The following TPRG1 variants were observed in gnomAD, a reference collection of about 807,000 sequenced individuals.
TPRG1 encodes the protein tumor protein p63 regulated 1, also known as tumor protein p63-regulated gene 1 protein.
Under a neutral mutation model 29.3 loss-of-function variants are expected in TPRG1, and 29 were observed. The ratio of observed to expected loss-of-function variants is 0.99; its 90% CI spans 0.74 to 1.35. The LOEUF is 1.35. TPRG1 is among the 40% of genes most tolerant of loss of function. The pLI is 0.00. For missense variants in TPRG1, 327 were observed against 335.0 expected (o/e 0.98, Z 0.19); for synonymous variants, 130 against 116.8 (o/e 1.11, Z -0.73).
chr3:189,212,904 C>T (rs1197546656), intron 2 of TPRG1, among the ~76,000 whole-genome samples: 1 of 152,206 alleles, frequency 6.6e-6, no homozygotes, highest in African/African-American at 2.4e-5. Flanking sequence ...GAAACAAACA[C>T]ATATGTTTTC....
At chr3:189,210,654 AC>A (rs1478243297) in intron 2 of TPRG1, among the ~76,000 whole-genome samples, 13 of 152,202 alleles carry the variant, frequency 8.5e-5, no homozygotes, top group Non-Finnish European at 1.9e-4. Flanking sequence ...CTGTCCTGAG[AC>A]CACATTTTGA....
chr3:189,200,342 T>C (rs891136294), intron 1 of TPRG1, among the ~76,000 whole-genome samples: 5 of 152,126 alleles, frequency 3.3e-5, no homozygotes, highest in African/African-American at 1.2e-4. Flanking sequence ...GGTGTTAGAG[T>C]ATTGTTGTTT....
intron 3 of TPRG1, among the ~76,000 whole-genome samples, chr3:189,237,811 T>G (rs552944950): frequency 1.3e-5 from 2 of 152,284 alleles, no homozygotes; most frequent in Admixed American, 1.3e-4. Context: ...GTGGTGAGGA[T>G]TTAGACATGA....
At chr3:189,022,312 T>G (rs1339314176) in intron 3 of TPRG1, among the ~76,000 whole-genome samples, 1 of 146,944 alleles carries the variant, frequency 6.8e-6, no homozygotes, top group Non-Finnish European at 1.5e-5. Flanking sequence ...GGCACTCTGC[T>G]TTTTAGAGTT....
chr3:189,046,437 ATT>A, intron 4 of TPRG1, among the ~76,000 whole-genome samples: 1 of 152,210 alleles, frequency 6.6e-6, no homozygotes, highest in Non-Finnish European at 1.5e-5. Context: ...GCTAACGGCT[ATT>A]TCTTTGGGCA....
chr3:189,187,886 C>T (rs947232119), intron 1 of TPRG1, among the ~76,000 whole-genome samples: 2 of 152,162 alleles, frequency 1.3e-5, no homozygotes, highest in Non-Finnish European at 2.9e-5. Context: ...AATTAATTCT[C>T]GAAACATTTG....
At chr3:189,185,607 C>T (rs1217226628) in intron 1 of TPRG1, among the ~76,000 whole-genome samples, 1 of 142,722 alleles carries the variant, frequency 7.0e-6, no homozygotes, top group South Asian at 2.4e-4. Flanking sequence ...AAGCAAAGAA[C>T]ACTAGAAAAT....
chr3:189,045,284 T>G (rs534330327), intron 4 of TPRG1, among the ~76,000 whole-genome samples: 181 of 152,352 alleles, frequency 1.2e-3, no homozygotes, highest in Non-Finnish European at 2.0e-3. Context: ...AAAATTGCAG[T>G]GTACTCATCA....
At chr3:189,296,055 C>T (rs1719866719) in intron 4 of TPRG1, among the ~76,000 whole-genome samples, 1 of 152,164 alleles carries the variant, frequency 6.6e-6, no homozygotes, top group Non-Finnish European at 1.5e-5. Flanking sequence ...CGGAGGTACA[C>T]TTCATGATGA....
chr3:189,072,595 T>A (rs1287613369), intron 4 of TPRG1, among the ~76,000 whole-genome samples: 3 of 152,208 alleles, frequency 2.0e-5, no homozygotes, highest in Non-Finnish European at 4.4e-5. Flanking sequence ...TTAATTTAGA[T>A]CACTTGGTTG....
intron 4 of TPRG1, among the ~76,000 whole-genome samples, chr3:189,281,399 C>T (rs1447065399): frequency 6.6e-6 from 1 of 152,118 alleles, no homozygotes; most frequent in Non-Finnish European, 1.5e-5. Context: ...ACTTCGTACA[C>T]CTTTAGCCAT....
At chr3:189,261,896 G>A (rs1713126094) in intron 4 of TPRG1, among the ~76,000 whole-genome samples, 1 of 152,144 alleles carries the variant, frequency 6.6e-6, no homozygotes, top group Admixed American at 6.5e-5. Flanking sequence ...AGTTGTCTGG[G>A]CCCCAACTGT....
In TPRG1 at chr3:189,206,950, A is replaced by G. The variant is rs573734459; in HGVS notation, c.-9-426A>G. ...AACATGTTCAGTTCTAAGTGCTCTT[A>G]TGCTCTATTATGACTCAAGAAGCAC... On this transcript the variant is annotated intron_variant, in intron 1 of 5. Transcript: ENST00000345063. 5.1e-4 allele frequency among the ~76,000 whole-genome samples: 77 copies of G among 152,300 alleles called. 2 individuals are homozygous for G. The South Asian group carries it at 0.013, about 27-fold the overall frequency.
intron 3 of TPRG1, among the ~76,000 whole-genome samples, chr3:189,233,218 CAG>C (rs902330835): frequency 1.7e-4 from 25 of 150,644 alleles, no homozygotes; most frequent in South Asian, 4.2e-4. Flanking sequence ...GAGAGGGAGA[CAG>C]AGAATAATAT....
At chr3:189,109,300 C>A (rs908351826) in intron 1 of TPRG1, among the ~76,000 whole-genome samples, 1 of 152,134 alleles carries the variant, frequency 6.6e-6, no homozygotes, top group Non-Finnish European at 1.5e-5. Flanking sequence ...CTGTCTAGTG[C>A]GTGTGGTGCG....
rs756267590 is a variant in TPRG1, at chr3:189,051,584, G to GA, written c.-463+27647dup. 2.3e-3 allele frequency among the ~76,000 whole-genome samples: 350 copies of GA among 151,198 alleles called. 1 individual carries two copies. The highest frequency in any genetic ancestry group is 4.0e-3 in the Non-Finnish European group (271 of 67,738). ...ACCAGGATCTTTCTTCACAGAATTA[G>GA]AAAAAAAAATTCTAAAATTTATATG... On this transcript the variant is annotated intron_variant, in intron 4 of 10. Transcript: ENST00000433971.
At chr3:189,086,859 G>A (rs189794735) in intron 4 of TPRG1, among the ~76,000 whole-genome samples, 4 of 152,248 alleles carry the variant, frequency 2.6e-5, no homozygotes, top group African/African-American at 7.2e-5. Context: ...TGGCTGCATA[G>A]TATTCCATGG....
chr3:189,289,306 C>A (rs1348701512), intron 4 of TPRG1, among the ~76,000 whole-genome samples: 3 of 152,162 alleles, frequency 2.0e-5, no homozygotes, highest in Non-Finnish European at 4.4e-5. Context: ...CCCCCGACCC[C>A]AAATCCAATC....
chr3:189,128,719 G>T (rs1483753910), intron 2 of TPRG1, among the ~76,000 whole-genome samples: 2 of 152,096 alleles, frequency 1.3e-5, no homozygotes, highest in Non-Finnish European at 2.9e-5. Context: ...CTTACCTAAG[G>T]ACATGCCACT....
Sources: allele counts gnomAD v4.1 joint callset (sites outside exome capture counted in the v4.1 genomes callset), GRCh38; gene constraint gnomAD v4.1.1; transcripts MANE v1.5; gene names NCBI Gene and HGNC (gene_info 2026-07-23, HGNC 2026-07-21).